Variants in PLCH1 observed in about 807,000 individuals in gnomAD.
PLCH1 encodes 1-phosphatidylinositol 4,5-bisphosphate phosphodiesterase eta-1.
A neutral mutation model predicts 126.7 loss-of-function variants in PLCH1; 60 were observed. The observed-to-expected ratio is 0.47, with a 90% confidence interval of 0.38 to 0.59. The LOEUF (loss-of-function observed/expected upper bound fraction) is 0.59. Among genes scored for constraint, PLCH1 ranks in the 20% least tolerant of loss-of-function variants. The pLI is 0.00. For missense variants in PLCH1, 1,723 were observed against 2,040.0 expected (o/e 0.84, Z 2.99); for synonymous variants, 719 against 734.9 (o/e 0.98, Z 0.35).
intron 1 of PLCH1, among the ~76,000 whole-genome samples, chr3:155,719,181 C>G (rs1386318188): frequency 6.6e-6 from 1 of 152,174 alleles, no homozygotes; most frequent in Non-Finnish European, 1.5e-5. Context: ...TACCCTTTCC[C>G]CTGAGTCCCC....
intron 2 of PLCH1, among the ~76,000 whole-genome samples, chr3:155,632,345 A>T (rs1028384239): frequency 6.6e-6 from 1 of 152,004 alleles, no homozygotes; most frequent in South Asian, 2.1e-4. Context: ...CTTTAAGTCA[A>T]TTACCATGCT....
At chr3:155,726,216 T>C (rs1748307271) in intron 1 of PLCH1, among the ~76,000 whole-genome samples, 1 of 152,246 alleles carries the variant, frequency 6.6e-6, no homozygotes, top group South Asian at 2.1e-4. Context: ...AGATCCTTTA[T>C]CTGGAAATAA....
At chr3:155,721,127 T>C (rs189823846) in intron 1 of PLCH1, among the ~76,000 whole-genome samples, 5 of 152,266 alleles carry the variant, frequency 3.3e-5, no homozygotes, top group Admixed American at 6.5e-5. Context: ...GGCCTTGTAG[T>C]ATAGCTTGAA....
chr3:155,494,779 C>G (rs536193312), intron 15 of PLCH1, among the ~76,000 whole-genome samples: 7 of 152,188 alleles, frequency 4.6e-5, no homozygotes, highest in African/African-American at 1.7e-4. Context: ...CCCTGTTCTC[C>G]CTAAGAATTC....
chr3:155,585,151 TCCAA>T (rs1731194380), intron 5 of PLCH1, among the ~76,000 whole-genome samples: 2 of 152,100 alleles, frequency 1.3e-5, no homozygotes, highest in Admixed American at 6.5e-5. Flanking sequence ...GCAAACCATC[TCCAA>T]CCAAGAACAG....
intron 1 of PLCH1, among the ~76,000 whole-genome samples, chr3:155,737,414 A>G (rs992359960): frequency 6.6e-6 from 1 of 151,488 alleles, no homozygotes; most frequent in Non-Finnish European, 1.5e-5. Flanking sequence ...TCACTGCAAC[A>G]TCAACCTCCT....
At chr3:155,534,873 C>T (rs1723145917) in intron 10 of PLCH1, among the ~76,000 whole-genome samples, 2 of 152,206 alleles carry the variant, frequency 1.3e-5, no homozygotes, top group African/African-American at 2.4e-5. Context: ...GTGCCTGCTT[C>T]CTTTTTGCCC....
At chr3:155,470,674 G>T (rs932931680) in intron 21 of PLCH1, among the ~76,000 whole-genome samples, 11 of 152,102 alleles carry the variant, frequency 7.2e-5, no homozygotes, top group African/African-American at 2.4e-4. Flanking sequence ...GGCAGCCAGA[G>T]AGAAAGGTCG....
At chr3:155,576,427 C>T (rs572929902) in intron 6 of PLCH1, among the ~76,000 whole-genome samples, 1 of 152,262 alleles carries the variant, frequency 6.6e-6, no homozygotes, top group East Asian at 1.9e-4. Flanking sequence ...ATTCCCTTGG[C>T]ACAGCCGTGT....
At chr3:155,744,287 T>C (rs570875167) in intron 1 of PLCH1, among the ~76,000 whole-genome samples, 2 of 152,248 alleles carry the variant, frequency 1.3e-5, no homozygotes, top group Non-Finnish European at 2.9e-5. Flanking sequence ...GCGCTCTTGG[T>C]TCTTCCCAGG....
chr3:155,589,428 A>G (rs1371128031), intron 4 of PLCH1, among the ~76,000 whole-genome samples: 1 of 152,058 alleles, frequency 6.6e-6, no homozygotes, highest in East Asian at 1.9e-4. Flanking sequence ...AGGTCACAAA[A>G]TGTTTTTCTT....
At chr3:155,743,525 C>T (rs1295296792) in intron 1 of PLCH1, 2 of 450,660 alleles carry the variant, frequency 4.4e-6, no homozygotes, top group Admixed American at 4.9e-5. Context: ...GAGCCAGACT[C>T]CGTCTCAAAA....
At chr3:155,464,533 T>C (rs368353148) in intron 21 of PLCH1, among the ~76,000 whole-genome samples, 2 of 152,030 alleles carry the variant, frequency 1.3e-5, no homozygotes, top group African/African-American at 4.8e-5. Flanking sequence ...TTGCTCTAGG[T>C]AGATTTTGCA....
At chr3:155,499,497 C>T (rs561150434) in intron 14 of PLCH1, among the ~76,000 whole-genome samples, 2 of 152,190 alleles carry the variant, frequency 1.3e-5, no homozygotes, top group Admixed American at 1.3e-4. Flanking sequence ...AGAAAATTAA[C>T]TCTTTTTATT....
chr3:155,568,162 A>G (rs1728754663), intron 7 of PLCH1, 69 bp downstream of exon 7: 1 of 711,930 alleles, frequency 1.4e-6, no homozygotes, highest in Non-Finnish European at 2.5e-6. Context: ...TTTCCTAAAA[A>G]CTTTTGCTGG....
intron 2 of PLCH1, among the ~76,000 whole-genome samples, chr3:155,632,258 C>T (rs904370539): frequency 1.3e-5 from 2 of 152,178 alleles, no homozygotes; most frequent in African/African-American, 2.4e-5. Context: ...CATTTGTAGT[C>T]ACAGAATACT....
chr3:155,569,680 T>A (rs949067333), intron 6 of PLCH1, among the ~76,000 whole-genome samples: 1 of 152,188 alleles, frequency 6.6e-6, no homozygotes, highest in Non-Finnish European at 1.5e-5. Context: ...TAAAGATAAA[T>A]AATTTTTCAC....
intron 10 of PLCH1, among the ~76,000 whole-genome samples, chr3:155,549,037 TC>T (rs1286474614): frequency 6.6e-6 from 1 of 152,210 alleles, no homozygotes; most frequent in Non-Finnish European, 1.5e-5. Flanking sequence ...CCTATTGCTT[TC>T]CTTTACATTT....
intron 1 of PLCH1, among the ~76,000 whole-genome samples, chr3:155,733,994 A>G (rs1748970654): frequency 6.9e-6 from 1 of 144,446 alleles, no homozygotes; most frequent in South Asian, 2.2e-4. Flanking sequence ...CAACATCACT[A>G]GTCATCAGGA....
Sources: gnomAD v4.1 joint callset for allele counts (sites outside exome capture counted in the v4.1 genomes callset) on GRCh38, gnomAD v4.1.1 for gene constraint, MANE v1.5 for transcripts, NCBI Gene and HGNC (gene_info 2026-07-23, HGNC 2026-07-21) for gene names.